Variants in ANK1 observed in about 807,000 individuals in gnomAD.
ANK1 encodes the protein ankyrin 1.
Under a neutral mutation model 210.4 loss-of-function variants are expected in ANK1, and 51 were observed. The ratio of observed to expected loss-of-function variants is 0.24; its 90% CI spans 0.19 to 0.31. The LOEUF (loss-of-function observed/expected upper bound fraction) is 0.31, where lower values mean the gene tolerates loss of function less well. Ranked by LOEUF, ANK1 falls within the 10% of genes least tolerant of loss-of-function variation. The pLI, the probability that ANK1 is intolerant of heterozygous loss-of-function variation, is 1.00. For missense variants in ANK1, 2,051 were observed against 2,504.4 expected (o/e 0.82, Z 3.86); for synonymous variants, 967 against 1,025.9 (o/e 0.94, Z 1.10).
At chr8:41,797,774 C>T (rs567052421), upstream of ANK1, among the ~76,000 whole-genome samples, 212 of 152,124 alleles carry the variant, frequency 1.4e-3, no homozygotes, top group African/African-American at 4.8e-3. This position sits in a 1 kb window ranked among gnomAD's most constrained non-coding sequence, Gnocchi z 4.0. Flanking sequence ...CCCCCAACCC[C>T]AGGAGGCCCC....
chr8:41,679,724 G>A (rs992642683), intron 37 of ANK1, among the ~76,000 whole-genome samples: 12 of 150,512 alleles, frequency 8.0e-5, no homozygotes, highest in Admixed American at 4.0e-4. Flanking sequence ...CATCACGCCA[G>A]GCTAATTTTT....
intron 1 of ANK1, among the ~76,000 whole-genome samples, chr8:41,870,319 T>A (rs149160505): frequency 2.1e-3 from 318 of 152,126 alleles, no homozygotes; most frequent in African/African-American, 7.3e-3. Flanking sequence ...TTTATGCAAG[T>A]CCACCCTCAG....
At chr8:41,740,325 TA>T (rs1243832319) in intron 2 of ANK1, among the ~76,000 whole-genome samples, 1 of 152,022 alleles carries the variant, frequency 6.6e-6, no homozygotes, top group Non-Finnish European at 1.5e-5. Flanking sequence ...CACGCCTGGC[TA>T]ATTTTTTGCA....
chr8:41,695,469 TCTCTAA>T, intron 26 of ANK1, 138 bp from the exon 27 acceptor site: 1 of 1,231,854 alleles, frequency 8.1e-7, no homozygotes, highest in Non-Finnish European at 1.2e-6. Flanking sequence ...TGCAGGCAGG[TCTCTAA>T]GTGGACCAGA....
At chr8:41,726,454 A>G (rs1020676927) in intron 5 of ANK1, among the ~76,000 whole-genome samples, 3 of 152,086 alleles carry the variant, frequency 2.0e-5, no homozygotes, top group Non-Finnish European at 2.9e-5. Context: ...TGGTGGTGCA[A>G]TCATGGCTCA....
intron 1 of ANK1, among the ~76,000 whole-genome samples, chr8:41,812,340 G>C (rs192934570): frequency 6.6e-5 from 10 of 152,226 alleles, no homozygotes; most frequent in African/African-American, 2.4e-4. Context: ...CAAAATATGA[G>C]ACTCAAAGAA....
At chr8:41,785,536 G>A (rs1846163188) in intron 1 of ANK1, among the ~76,000 whole-genome samples, 1 of 152,162 alleles carries the variant, frequency 6.6e-6, no homozygotes, top group Non-Finnish European at 1.5e-5. Flanking sequence ...AGCCTGTAGT[G>A]ACCTCACGGG....
intron 2 of ANK1, among the ~76,000 whole-genome samples, chr8:41,752,640 G>T (rs941678592): frequency 6.6e-6 from 1 of 152,056 alleles, no homozygotes; most frequent in Non-Finnish European, 1.5e-5. Flanking sequence ...CCCACCTGCC[G>T]TGGAAGCCAG....
rs117335433 is a variant in ANK1, at chr8:41,707,270, C to T, written c.1999-1029G>A. On this transcript the variant is annotated intron_variant, in intron 17 of 42. Coordinates refer to ENST00000289734, the MANE Select transcript of ANK1 (RefSeq NM_000037.4). ...TCAGAGATGTTGTTTGATATGTGGG[C>T]ACCCACATGAAAATGTCAGAAAAGT... Among the ~76,000 whole-genome samples, 724 of 152,364 alleles carry T rather than the reference C, an allele frequency of 4.8e-3. 11 individuals are homozygous for T. Among genetic ancestry groups the T allele is most frequent in the Admixed American group, 0.035 (530 of 15,310 alleles).
chr8:41,799,138 C>T (rs1295842851), upstream of ANK1, among the ~76,000 whole-genome samples: 1 of 152,206 alleles, frequency 6.6e-6, no homozygotes, highest in Admixed American at 6.5e-5. Context: ...CCTTTTGAAG[C>T]ACTTGGACTC....
chr8:41,741,239 A>G (rs1834714262), intron 2 of ANK1, among the ~76,000 whole-genome samples: 1 of 152,208 alleles, frequency 6.6e-6, no homozygotes, highest in Non-Finnish European at 1.5e-5. Context: ...GATCTGGAGA[A>G]GCGGTGAAAG....
chr8:41,770,718 G>A (rs1363881586), intron 1 of ANK1, among the ~76,000 whole-genome samples: 1 of 152,182 alleles, frequency 6.6e-6, no homozygotes, highest in Admixed American at 6.5e-5. Context: ...ACTTAGGCAG[G>A]CGATGAGTCA....
chr8:41,701,642 A>T lies in ANK1; in HGVS notation c.2389-20T>A. 1 of 1,612,760 alleles carries T rather than the reference A, an allele frequency of 6.2e-7. No homozygotes were observed. The highest frequency in any genetic ancestry group is 8.5e-7 in the Non-Finnish European group (1 of 1,178,954). ...GACTAACTAAAACGAGAAAAAGCAG[A>T]TAATTCAACCCAAACTAGAGCCGCA... On this transcript the variant is annotated intron_variant, in intron 21 of 42. Coordinates refer to ENST00000289734, the MANE Select transcript of ANK1 (RefSeq NM_000037.4).
intron 2 of ANK1, among the ~76,000 whole-genome samples, chr8:41,757,525 C>T (rs921398143): frequency 2.0e-5 from 3 of 152,340 alleles, no homozygotes; most frequent in African/African-American, 7.2e-5. Context: ...GGCTGTGTCA[C>T]TCAGGAGCCC....
chr8:41,717,547 G>A, intron 12 of ANK1, 57 bp downstream of exon 12: 1 of 1,454,304 alleles, frequency 6.9e-7, no homozygotes, highest in Non-Finnish European at 9.4e-7. Flanking sequence ...ACTGGTGAAA[G>A]CTGCCCTCTG....
chr8:41,659,434 G>C (rs533148376), intron 42 of ANK1, among the ~76,000 whole-genome samples: 2 of 152,330 alleles, frequency 1.3e-5, no homozygotes, highest in African/African-American at 4.8e-5. Context: ...GCCAAAGCAC[G>C]GTGAGTGCCA....
At chr8:41,757,066 G>A (rs781308020) in intron 2 of ANK1, among the ~76,000 whole-genome samples, 1 of 152,210 alleles carries the variant, frequency 6.6e-6, no homozygotes. Context: ...AGTGTTTAAA[G>A]AGAACAGAGT....
At chr8:41,808,993 A>G (rs991166260) in intron 1 of ANK1, among the ~76,000 whole-genome samples, 2 of 152,198 alleles carry the variant, frequency 1.3e-5, no homozygotes, top group South Asian at 2.1e-4. Flanking sequence ...CTATAGGATT[A>G]TCATCCCCAC....
At chr8:41,896,340 G>A (rs1243445261) in intron 1 of ANK1, 2 of 1,586,356 alleles carry the variant, frequency 1.3e-6, no homozygotes, top group South Asian at 1.1e-5. Context: ...GGCTTTCACC[G>A]CCGCCCCCTC....
Sources: gnomAD v4.1 joint callset for allele counts (sites outside exome capture counted in the v4.1 genomes callset) on GRCh38, gnomAD v4.1.1 for gene constraint, Gnocchi (gnomAD v3.1) non-coding constraint, MANE v1.5 for transcripts, NCBI Gene and HGNC (gene_info 2026-07-23, HGNC 2026-07-21) for gene names.